MCF2L: variants seen among roughly 807,000 people sequenced by gnomAD.
MCF2L encodes the protein MCF.2 cell line derived transforming sequence like, also known as guanine nucleotide exchange factor DBS.
A neutral mutation model predicts 153.4 loss-of-function variants in MCF2L; 97 were observed. The ratio of observed to expected loss-of-function variants is 0.63; its 90% CI spans 0.54 to 0.75. The LOEUF is 0.75. Ranked by LOEUF, MCF2L falls within the 30% of genes least tolerant of loss-of-function variation. The probability of loss-of-function intolerance (pLI) is 0.00; values close to 1 mark genes in which losing one functional copy is unlikely to be tolerated. For missense variants in MCF2L, 1,347 were observed against 1,495.2 expected, an observed-to-expected ratio of 0.90 and a Z score of 1.64; for synonymous variants, 659 against 632.2, an observed-to-expected ratio of 1.04 and a Z score of -0.64.
chr13:112,937,817 G>GTGGTTGGTTCAGGTGAGCGCTAATTGGT (rs2081530998), intron 2 of MCF2L, among the ~76,000 whole-genome samples: 1 of 4,090 alleles, frequency 2.4e-4, no homozygotes, highest in Non-Finnish European at 5.4e-4. Flanking sequence ...TGTGCTCTGA[G>GTGGTTGGTTCAGGTGAGCGCTAATTGGT]TGGTTGGTTC....
At chr13:112,896,277 C>G (rs1473916270) in intron 1 of MCF2L, among the ~76,000 whole-genome samples, 1 of 152,214 alleles carries the variant, frequency 6.6e-6, no homozygotes, top group Non-Finnish European at 1.5e-5. Context: ...CACCGCCCCC[C>G]CGAGGCCTCC....
Position 112,932,137 on chromosome 13 carries a change from TA to T in MCF2L, c.169+29768del, listed in dbSNP as rs35037857. Among the ~76,000 whole-genome samples, 6,756 of 151,718 alleles carry T rather than the reference TA, an allele frequency of 0.045. 491 individuals carry two copies. The highest frequency in any genetic ancestry group is 0.15 in the African/African-American group (6,377 of 41,326). ...TCAAGACGAAAAGAGGGAGAAAGAGTAACTTCCCAGCAGAGGACCTGACGAC... is the reference window on the plus strand; with the variant it reads ...TCAAGACGAAAAGAGGGAGAAAGAGTACTTCCCAGCAGAGGACCTGACGAC... On this transcript the variant is annotated intron_variant, in intron 2 of 29. Coordinates refer to the MCF2L transcript ENST00000375608. The surrounding 1 kb of genome is among the most constrained non-coding windows in gnomAD (Gnocchi z 4.6).
In MCF2L at chr13:113,099,082, G is replaced by A. The variant is rs1026537027; in HGVS notation, c.*2223G>A. 6.6e-6 allele frequency: 1 copy of A among 152,180 alleles called. No individual in the cohort carries two copies. Among genetic ancestry groups the A allele is most frequent in the African/African-American group, 2.4e-5 (1 of 41,416 alleles). 9.4% of individuals were successfully genotyped at this position (152,180 alleles called of 1,614,324 possible). On this transcript the variant is annotated 3_prime_UTR_variant, in exon 30 of 30. Coordinates refer to ENST00000535094, the MANE Select transcript of MCF2L (RefSeq NM_001112732.3). The stretch of plus-strand genomic sequence containing the variant: ...TGGAGATTTAAAATAAAAGAAGACA[G>A]AACAGACAAACACCATAAGAAAGCT...
chr13:113,033,908 G>A (rs750747797), intron 3 of MCF2L: 13 of 167,200 alleles, frequency 7.8e-5, no homozygotes, highest in African/African-American at 3.1e-4. Context: ...CTGAGCACTG[G>A]GGACAAGTCG....
chr13:112,927,299 AAT>A (rs2081417736), intron 2 of MCF2L, among the ~76,000 whole-genome samples: 1 of 152,192 alleles, frequency 6.6e-6, no homozygotes, highest in Non-Finnish European at 1.5e-5. Flanking sequence ...GCAATTTTTT[AAT>A]AGTCTTCTAG....
chr13:112,961,249 C>T (rs2081822318), intron 2 of MCF2L, among the ~76,000 whole-genome samples: 1 of 152,226 alleles, frequency 6.6e-6, no homozygotes, highest in Non-Finnish European at 1.5e-5. Context: ...TGAAGTGACT[C>T]TGCTGTTATT....
chr13:113,087,199 C>T (rs1349394225), intron 21 of MCF2L, 36 bp from the exon 22 acceptor site: 10 of 1,568,108 alleles, frequency 6.4e-6, no homozygotes, highest in Non-Finnish European at 8.7e-6. Flanking sequence ...CCAGGCCCAT[C>T]CCGTCCTGAA....
At chr13:112,948,604 G>C (rs72661928) in intron 2 of MCF2L, among the ~76,000 whole-genome samples, 32,350 of 152,142 alleles carry the variant, frequency 0.21, 4,020 homozygotes, top group South Asian at 0.3. Flanking sequence ...GCAGTACTGA[G>C]AGGGGAATTT....
rs749085677 is a variant in MCF2L at position 113,096,713 on chromosome 13, T to C, written c.3292+60T>C. 2.6e-6 allele frequency: 4 copies of C among 1,553,446 alleles called. No homozygotes were observed. The South Asian group carries it at 4.7e-5, about 18-fold the overall frequency. Reference sequence around the variant, plus strand: ...CTGCCAAGGGCCCGGGCGAGGAAGCTGCCCCGTGTGTGCCCGGCAGAGCCG... The same window carrying C: ...CTGCCAAGGGCCCGGGCGAGGAAGCCGCCCCGTGTGTGCCCGGCAGAGCCG... On this transcript the variant is annotated intron_variant, in intron 29 of 29. Transcript: ENST00000535094.
At chr13:113,092,785 C>T (rs2035327811) in intron 26 of MCF2L, among the ~76,000 whole-genome samples, 1 of 152,250 alleles carries the variant, frequency 6.6e-6, no homozygotes, top group Non-Finnish European at 1.5e-5. Context: ...TTGCTGTTGG[C>T]CTCCCCCGCG....
intron 2 of MCF2L, among the ~76,000 whole-genome samples, chr13:113,022,664 C>T (rs191352651): frequency 1.4e-3 from 210 of 152,350 alleles, no homozygotes; most frequent in African/African-American, 5.0e-3. Context: ...AACACTCTTA[C>T]CTTTAATGGC....
Position 113,084,187 on chromosome 13 carries a change from A to C in MCF2L, c.2061+120A>C, listed in dbSNP as rs748639937. 3.4e-6 allele frequency: 3 copies of C among 878,574 alleles called. No individual in the cohort carries two copies. In the African/African-American group the frequency reaches 5.0e-5, roughly 15 times the overall value. The allele number at this position is 878,574 out of a possible 1,614,324, so 54.4% of individuals were successfully genotyped here. On this transcript the variant is annotated intron_variant, in intron 18 of 29. Transcript: ENST00000535094. ...GAAATCACAAAATACGATGTTTTCA[A>C]TTTGGCTGAGATACCATGATGCTCC...
Position 112,969,312 on chromosome 13 carries a change from C to T in MCF2L, c.-68C>T. Reference sequence around the variant, plus strand: ...CCGCGCCCCCTCCGCACTCGCACGGCCCCACCCGCAGGCGCCCCCCGTGCG... The same window carrying T: ...CCGCGCCCCCTCCGCACTCGCACGGTCCCACCCGCAGGCGCCCCCCGTGCG... On this transcript the variant is annotated 5_prime_UTR_variant, in exon 1 of 30. Transcript: ENST00000535094. This position sits in a 1 kb window ranked among gnomAD's most constrained non-coding sequence, Gnocchi z 4.8. 6 of 1,542,294 alleles carry T rather than the reference C, an allele frequency of 3.9e-6. No individual in the cohort carries two copies. The highest frequency in any genetic ancestry group is 5.3e-6 in the Non-Finnish European group (6 of 1,141,826).
intron 2 of MCF2L, among the ~76,000 whole-genome samples, chr13:112,931,975 A>G (rs2081468350): frequency 6.6e-6 from 1 of 152,346 alleles, no homozygotes; most frequent in Non-Finnish European, 1.5e-5. Flanking sequence ...ATATTAATAC[A>G]TGACTGGAGA....
intron 1 of MCF2L, among the ~76,000 whole-genome samples, chr13:112,970,088 C>G (rs982656780): frequency 2.8e-4 from 43 of 152,166 alleles, no homozygotes; most frequent in Middle Eastern, 6.8e-3. Flanking sequence ...TGCATCTGGC[C>G]GTGGCTTTCA....
Position 113,096,469 on chromosome 13 carries a change from C to A in MCF2L, c.3174C>A (p.Gly1058=). Residue 1058 remains glycine, a synonymous_variant, in exon 28 of 30, where the codon GGC becomes GGA. Transcript: ENST00000535094. ...SGDVVELVQE[G]DEGLWYVRDP... ...ACGTGGTGGAGCTGGTGCAGGAGGG[C>A]GACGAGGGCCTCTGGTAAGACCCCG... 6.3e-7 allele frequency: 1 copy of A among 1,587,602 alleles called. No homozygotes were observed.
chr13:113,056,764 G>A (rs1219325343), intron 4 of MCF2L, among the ~76,000 whole-genome samples: 7 of 146,962 alleles, frequency 4.8e-5, no homozygotes, highest in Non-Finnish European at 8.9e-5. Context: ...GGTGCTGTGT[G>A]TTTGGGTGCT....
At chr13:113,039,410 C>T (rs1326819882) in intron 3 of MCF2L, among the ~76,000 whole-genome samples, 1 of 152,074 alleles carries the variant, frequency 6.6e-6, no homozygotes, top group Non-Finnish European at 1.5e-5. Flanking sequence ...ATTTCTTACG[C>T]AAGGTTTAAA....
intron 20 of MCF2L, among the ~76,000 whole-genome samples, chr13:113,085,554 C>T (rs2034550987): frequency 6.6e-6 from 1 of 152,166 alleles, no homozygotes; most frequent in Non-Finnish European, 1.5e-5. Flanking sequence ...TCCCTCTAAC[C>T]TTCAGGCAGG....
Sources: gnomAD v4.1 joint callset for allele counts (sites outside exome capture counted in the v4.1 genomes callset) on GRCh38, gnomAD v4.1.1 for gene constraint, Gnocchi (gnomAD v3.1) non-coding constraint, MANE v1.5 for transcripts, NCBI Gene and HGNC (gene_info 2026-07-23, HGNC 2026-07-21) for gene names.